SPRR2G: variants seen among roughly 807,000 people sequenced by gnomAD.
SPRR2G encodes the protein small proline rich protein 2G, also known as small proline-rich protein 2G.
SPRR2G carries 1 observed loss-of-function variant against 0.7 expected under a neutral mutation model. The ratio of observed to expected loss-of-function variants is 1.49; its 90% CI spans 0.53 to 7.06. SPRR2G has a LOEUF of 7.06. Among genes scored for constraint, SPRR2G ranks in the 30% most tolerant of loss-of-function variants. SPRR2G has a pLI of 0.14. For missense variants in SPRR2G, 96 were observed against 88.5 expected (o/e 1.09, Z -0.34); for synonymous variants, 38 against 33.9 (o/e 1.12, Z -0.42).
the SPRR2G span, among the ~76,000 whole-genome samples, chr1:153,167,686 A>C: frequency 4.1e-3 from 628 of 152,292 alleles, 6 homozygotes; most frequent in Middle Eastern, 0.02. Flanking sequence ...GAAAACATTT[A>C]AGTTCTCTGA....
chr1:153,174,110 T>A, the SPRR2G span, among the ~76,000 whole-genome samples: 1 of 152,224 alleles, frequency 6.6e-6, no homozygotes, highest in East Asian at 1.9e-4. Context: ...AACCCATATG[T>A]AAGCCAACTA....
intron 1 of SPRR2G, 85 bp from the exon 2 acceptor site, chr1:153,150,216 C>A (rs549136085): frequency 1.2e-5 from 19 of 1,552,930 alleles, no homozygotes; most frequent in Non-Finnish European, 1.6e-5. Context: ...TCTCCAGTAT[C>A]TAGGGACCAA....
chr1:153,182,210 T>A, the SPRR2G span, among the ~76,000 whole-genome samples: 179 of 152,326 alleles, frequency 1.2e-3, 3 homozygotes, highest in Non-Finnish European at 1.7e-3. Context: ...CATTTGTATA[T>A]CTTCTTTTTA....
At chr1:153,151,516 G>C (rs1481448147), upstream of SPRR2G, among the ~76,000 whole-genome samples, 3 of 152,256 alleles carry the variant, frequency 2.0e-5, no homozygotes, top group East Asian at 5.8e-4. Flanking sequence ...TAGGCCATTA[G>C]AGTCATGTTG....
chr1:153,200,361 T>C, the SPRR2G span, among the ~76,000 whole-genome samples: 2 of 151,614 alleles, frequency 1.3e-5, no homozygotes, highest in South Asian at 4.2e-4. Flanking sequence ...GAGACAGAAA[T>C]GAAGACACAG....
chr1:153,184,634 T>A, the SPRR2G span, among the ~76,000 whole-genome samples: 1 of 152,150 alleles, frequency 6.6e-6, no homozygotes, highest in Admixed American at 6.5e-5. Flanking sequence ...AAATATACAA[T>A]CATGTCATCT....
the SPRR2G span, among the ~76,000 whole-genome samples, chr1:153,170,093 T>C: frequency 1.3e-5 from 2 of 152,214 alleles, no homozygotes; most frequent in African/African-American, 4.8e-5. Flanking sequence ...CTAAACAGCA[T>C]TGAAATGCTT....
chr1:153,186,404 T>C, the SPRR2G span, among the ~76,000 whole-genome samples: 1 of 152,230 alleles, frequency 6.6e-6, no homozygotes, highest in South Asian at 2.1e-4. Flanking sequence ...GCTCCTGTAT[T>C]GGGTGCATAT....
At chr1:153,188,584 A>C in the SPRR2G span, among the ~76,000 whole-genome samples, 15 of 152,300 alleles carry the variant, frequency 9.8e-5, no homozygotes, top group South Asian at 1.0e-3. Flanking sequence ...GGCAGCAAGA[A>C]TTTCAAGCCA....
the SPRR2G span, among the ~76,000 whole-genome samples, chr1:153,165,219 T>C: frequency 2.2e-4 from 34 of 151,900 alleles, 1 homozygote; most frequent in Middle Eastern, 6.8e-3. Flanking sequence ...GATGGATGGA[T>C]CAGTTAATTG....
chr1:153,160,109 C>T, the SPRR2G span, among the ~76,000 whole-genome samples: 1 of 152,188 alleles, frequency 6.6e-6, no homozygotes, highest in African/African-American at 2.4e-5. Context: ...TTCTCTGCTT[C>T]CATAGGTCTG....
chr1:153,158,033 C>T, the SPRR2G span, among the ~76,000 whole-genome samples: 4 of 152,184 alleles, frequency 2.6e-5, no homozygotes, highest in South Asian at 2.1e-4. Flanking sequence ...GATTGTAATT[C>T]GAGATGAGAT....
At chr1:153,178,083 C>A in the SPRR2G span, among the ~76,000 whole-genome samples, 2 of 152,006 alleles carry the variant, frequency 1.3e-5, no homozygotes, top group South Asian at 2.1e-4. Context: ...AACATTTTAT[C>A]TTTTATGCTG....
the SPRR2G span, among the ~76,000 whole-genome samples, chr1:153,202,512 G>A: frequency 6.6e-6 from 1 of 152,114 alleles, no homozygotes; most frequent in Admixed American, 6.5e-5. Flanking sequence ...AAGCCCTTTT[G>A]CTCTGGAGTC....
the SPRR2G span, among the ~76,000 whole-genome samples, chr1:153,167,991 G>A: frequency 6.6e-6 from 1 of 152,126 alleles, no homozygotes; most frequent in African/African-American, 2.4e-5. Flanking sequence ...ATGGTTCCAT[G>A]ATCCCATGAG....
upstream of SPRR2G, among the ~76,000 whole-genome samples, chr1:153,152,541 A>G (rs990110393): frequency 5.3e-5 from 8 of 152,202 alleles, no homozygotes; most frequent in Admixed American, 4.6e-4. Flanking sequence ...GAGCCCTACT[A>G]TTAAATTCTT....
the SPRR2G span, among the ~76,000 whole-genome samples, chr1:153,167,609 G>A: frequency 3.7e-3 from 562 of 152,308 alleles, 12 homozygotes; most frequent in East Asian, 0.041. Flanking sequence ...TTAATGATTA[G>A]AGATTAGGAA....
chr1:153,199,189 T>A, the SPRR2G span, among the ~76,000 whole-genome samples: 1 of 152,184 alleles, frequency 6.6e-6, no homozygotes. Context: ...GATGTATATC[T>A]GGTTCCCATG....
the SPRR2G span, among the ~76,000 whole-genome samples, chr1:153,182,299 C>A: frequency 6.6e-6 from 1 of 151,514 alleles, no homozygotes; most frequent in Non-Finnish European, 1.5e-5. Context: ...TCCTGCATAC[C>A]CAAAATATAA....
Sources: gnomAD v4.1 joint callset for allele counts (sites outside exome capture counted in the v4.1 genomes callset) on GRCh38, gnomAD v4.1.1 for gene constraint, MANE v1.5 for transcripts, NCBI Gene and HGNC (gene_info 2026-07-23, HGNC 2026-07-21) for gene names.